PKHD1: variants seen among roughly 807,000 people sequenced by gnomAD.
The protein encoded by PKHD1 is PKHD1 ciliary IPT domain containing fibrocystin/polyductin.
PKHD1 carries 291 observed loss-of-function variants against 412.0 expected under a neutral mutation model. That is an observed-to-expected ratio of 0.71 (90% CI 0.64 to 0.78). The LOEUF (loss-of-function observed/expected upper bound fraction) is 0.78. PKHD1 is among the 30% of genes least tolerant of loss of function. PKHD1 has a pLI of 0.00. For synonymous variants in PKHD1, 1,777 were observed against 1,821.5 expected (o/e 0.98, Z 0.62); for missense variants, 4,825 against 4,950.7 (o/e 0.97, Z 0.76).
At chr6:51,883,325 T>A in intron 45 of PKHD1, 98 bp from the exon 46 acceptor site, 2 of 1,116,936 alleles carry the variant, frequency 1.8e-6, no homozygotes, top group South Asian at 2.5e-5. Flanking sequence ...GAAAGAAGCA[T>A]GCTATATTGT....
intron 19 of PKHD1, among the ~76,000 whole-genome samples, chr6:52,055,267 T>G (rs932168342): frequency 6.6e-6 from 1 of 152,224 alleles, no homozygotes; most frequent in Non-Finnish European, 1.5e-5. Context: ...ACATTGGGTG[T>G]GGAATCAGGA....
chr6:51,721,961 G>A (rs1781975205), intron 60 of PKHD1: 1 of 1,613,228 alleles, frequency 6.2e-7, no homozygotes, highest in African/African-American at 1.3e-5. Flanking sequence ...ATCTTTCAAA[G>A]TTCAGCTTCC....
At chr6:51,645,316 T>A (rs1446832499) in intron 63 of PKHD1, among the ~76,000 whole-genome samples, 1 of 152,208 alleles carries the variant, frequency 6.6e-6, no homozygotes, top group East Asian at 1.9e-4. Context: ...TAACCTTTAT[T>A]TTCTTTTTTA....
intron 56 of PKHD1, among the ~76,000 whole-genome samples, chr6:51,754,434 C>G (rs144031765): frequency 1.3e-5 from 2 of 152,238 alleles, no homozygotes; most frequent in Non-Finnish European, 2.9e-5. Flanking sequence ...AGGAAATAAA[C>G]TGGAAACTCA....
chr6:52,046,874 C>A (rs1324368740), intron 23 of PKHD1, among the ~76,000 whole-genome samples: 4 of 152,162 alleles, frequency 2.6e-5, no homozygotes, highest in Non-Finnish European at 2.9e-5. Context: ...GAAAATGAAA[C>A]CCAACCATAT....
Position 51,659,774 on chromosome 6 carries a change from G to C in PKHD1, c.10352C>G (p.Ser3451Cys), listed in dbSNP as rs1005882851. Residue 3451 changes from serine to cysteine, a missense_variant, in exon 61 of 67, where the codon TCT becomes TGT. By Grantham distance (112) the Ser-to-Cys change is moderately radical. Transcript: ENST00000371117. ...FSSVNANIPC[S>C]TSGSVSTFYS... The stretch of plus-strand genomic sequence containing the variant: ...GAAAGTAGACACTGACCCAGAAGTA[G>C]AGCAGGGAATATTGGCATTTACACT... 2 of 1,613,458 alleles carry C rather than the reference G, an allele frequency of 1.2e-6. No individual in the cohort carries two copies. The highest frequency in any genetic ancestry group is 1.7e-6 in the Non-Finnish European group (2 of 1,179,532).
intron 55 of PKHD1, among the ~76,000 whole-genome samples, chr6:51,769,476 A>T (rs899808134): frequency 6.6e-6 from 1 of 151,340 alleles, no homozygotes; most frequent in East Asian, 1.9e-4. Flanking sequence ...ACTCTAAACT[A>T]TTCTGTACTT....
chr6:51,999,365 G>GT lies in PKHD1; in HGVS notation c.5751+10943dup, dbSNP rs149677534. ...CTGAGACACAGGAGTTTTTGTTTTT[G>GT]TTTTTTTTCTGAGCTGATTTTCAAT... On this transcript the variant is annotated intron_variant, in intron 35 of 66. Coordinates refer to ENST00000371117, the MANE Select transcript of PKHD1 (RefSeq NM_138694.4). Among the ~76,000 whole-genome samples, 115 of 148,292 alleles carry GT rather than the reference G, an allele frequency of 7.8e-4. 2 individuals are homozygous for GT. The East Asian group carries it at 0.02, about 25-fold the overall frequency.
chr6:51,704,447 G>A (rs1212861655), intron 60 of PKHD1, among the ~76,000 whole-genome samples: 1 of 152,044 alleles, frequency 6.6e-6, no homozygotes, highest in East Asian at 1.9e-4. Context: ...TTAGAAAAGA[G>A]CACTTCTTTC....
rs746461184 is a variant in PKHD1, at chr6:52,042,881, C to T, written c.3075G>A (p.Glu1025=). Residue 1025 remains glutamate (E), a synonymous_variant, in exon 27 of 67, where the codon GAG becomes GAA. Coordinates refer to ENST00000371117, the MANE Select transcript of PKHD1 (RefSeq NM_138694.4). ...TACCAATATCCGCAGCTCTGGAAGG[C>T]TCCACCATATCCAGTCTAGGTTTCA... The part of the protein sequence containing the change: ...LNVKPRLDMV[E]PSRAADIGGL... 6.2e-7 allele frequency: 1 copy of T among 1,613,772 alleles called. No individual in the cohort carries two copies. The highest frequency in any genetic ancestry group is 1.1e-5 in the South Asian group (1 of 91,078).
chr6:52,021,482 G>C (rs939252006), intron 33 of PKHD1, among the ~76,000 whole-genome samples: 1 of 152,116 alleles, frequency 6.6e-6, no homozygotes, highest in South Asian at 2.1e-4. Flanking sequence ...GCCTATAAAT[G>C]TGCAGTCTTA....
chr6:51,923,288 A>C (rs946890202), intron 37 of PKHD1, among the ~76,000 whole-genome samples: 2 of 152,200 alleles, frequency 1.3e-5, no homozygotes, highest in African/African-American at 4.8e-5. Flanking sequence ...TTTCTGTAAA[A>C]AGAACAGGGA....
At chr6:51,979,139 C>T (rs1402592499) in intron 35 of PKHD1, among the ~76,000 whole-genome samples, 1 of 152,182 alleles carries the variant, frequency 6.6e-6, no homozygotes, top group Non-Finnish European at 1.5e-5. Context: ...TTCATTCATT[C>T]TTTTCTTCTC....
At position 51,748,293 on chromosome 6, in the gene PKHD1, C is replaced by G; in HGVS notation, c.9323G>C (p.Gly3108Ala). 6.2e-7 allele frequency: 1 copy of G among 1,613,992 alleles called. No individual in the cohort carries two copies. Among genetic ancestry groups the G allele is most frequent in the Non-Finnish European group, 8.5e-7 (1 of 1,179,946 alleles). ...GSERLGFHIR[G>A]HKCSSCELLW... ...CAGTTCACAAGAGGAGCACTTGTGG[C>G]CTCGGATGTGAAAGCCAAGTCTCTC... is the stretch of plus-strand genomic sequence containing the variant. The change falls in exon 58 of 67, where the codon GGC (glycine) becomes GCC (alanine). Residue 3108 changes from glycine (G) to alanine (A), a missense_variant. By Grantham distance (60) the Gly-to-Ala change is moderately conservative. Transcript: ENST00000371117.
chr6:51,766,106 AATATT>A (rs1788950902), intron 55 of PKHD1, among the ~76,000 whole-genome samples: 2 of 152,188 alleles, frequency 1.3e-5, no homozygotes, highest in Admixed American at 1.3e-4. Flanking sequence ...GTTTTTACTT[AATATT>A]ATATCTCCAG....
intron 60 of PKHD1, among the ~76,000 whole-genome samples, chr6:51,667,722 A>G (rs1387584963): frequency 6.7e-6 from 1 of 149,508 alleles, no homozygotes; most frequent in African/African-American, 2.5e-5. Context: ...TGATTTTTGT[A>G]TAAGGTGTAA....
chr6:51,740,525 A>G (rs1054550089), intron 60 of PKHD1, among the ~76,000 whole-genome samples: 2 of 152,230 alleles, frequency 1.3e-5, no homozygotes, highest in Admixed American at 1.3e-4. Context: ...ATAAAATTCC[A>G]GTGGTCTCCA....
intron 65 of PKHD1, 86 bp downstream of exon 65, chr6:51,632,479 G>C (rs1768042482): frequency 5.1e-6 from 6 of 1,174,102 alleles, no homozygotes; most frequent in Non-Finnish European, 7.3e-6. Flanking sequence ...TTGTCTTTGG[G>C]GAAAGAAACA....
chr6:51,755,804 G>A (rs1006844854), intron 55 of PKHD1, among the ~76,000 whole-genome samples: 1 of 152,148 alleles, frequency 6.6e-6, no homozygotes, highest in Non-Finnish European at 1.5e-5. Context: ...ATTCAATCAT[G>A]CAACCTTTAT....
Sources: allele counts gnomAD v4.1 joint callset (sites outside exome capture counted in the v4.1 genomes callset), GRCh38; gene constraint gnomAD v4.1.1; transcripts MANE v1.5; gene names NCBI Gene and HGNC (gene_info 2026-07-23, HGNC 2026-07-21).